Variants in TMEM82 observed in about 807,000 individuals in gnomAD.
TMEM82 encodes the protein transmembrane protein 82.
Under a neutral mutation model 29.2 loss-of-function variants are expected in TMEM82, and 30 were observed. The ratio of observed to expected loss-of-function variants is 1.03; its 90% CI spans 0.77 to 1.39. The LOEUF (loss-of-function observed/expected upper bound fraction) is 1.39, where lower values mean the gene tolerates loss of function less well. Ranked by LOEUF, TMEM82 falls within the 40% of genes most tolerant of loss-of-function variation. TMEM82 has a pLI of 0.00. For missense variants in TMEM82, 442 were observed against 447.7 expected, an observed-to-expected ratio of 0.99 and a Z score of 0.12; for synonymous variants, 221 against 225.4, an observed-to-expected ratio of 0.98 and a Z score of 0.18.
Position 15,744,206 on chromosome 1 carries a change from A to G in TMEM82, c.383A>G (p.Gln128Arg). The G allele has an allele frequency of 1.9e-6, 3 of 1,591,056 alleles. No individual in the cohort carries two copies. The highest frequency in any genetic ancestry group is 1.1e-5 in the South Asian group (1 of 88,496). Reference sequence around the variant, plus strand: ...AGGCTGCAGCTCTACCTGCTGTGCCAGTACTCGCTGGGCTGCGGGCTGACC... The same window carrying G: ...AGGCTGCAGCTCTACCTGCTGTGCCGGTACTCGCTGGGCTGCGGGCTGACC... ...AERLQLYLLCQYSLGCGLTCG... is the reference protein window; with the variant it reads ...AERLQLYLLCRYSLGCGLTCG... Residue 128 changes from glutamine (Q) to arginine (R), a missense_variant, in exon 4 of 6, where the codon CAG (glutamine) becomes CGG (arginine). Coordinates refer to ENST00000375782, the MANE Select transcript of TMEM82 (RefSeq NM_001013641.3). The surrounding 1 kb of genome is among the most constrained non-coding windows in gnomAD (Gnocchi z 5.2).
chr1:15,747,805 C>T lies in TMEM82; in HGVS notation c.*173C>T, dbSNP rs752447839. The T allele has an allele frequency of 3.2e-5, 18 of 563,200 alleles. No homozygotes were observed. Among genetic ancestry groups the T allele is most frequent in the Non-Finnish European group, 2.4e-5 (8 of 333,348 alleles). 34.9% of individuals were successfully genotyped at this position (563,200 alleles called of 1,614,324 possible). A position where few individuals can be genotyped will look rare whatever the true frequency, so the allele number is the denominator to read the frequency against. ...AGGCAGGATTTGGGGATGGGAGCCT[C>T]TGGAGAGGGGACACCTGGGGACCCC... On this transcript the variant is annotated 3_prime_UTR_variant, in exon 6 of 6. Coordinates refer to ENST00000375782, the MANE Select transcript of TMEM82 (RefSeq NM_001013641.3).
At chr1:15,747,305 GAC>G (rs2068344070) in intron 5 of TMEM82, among the ~76,000 whole-genome samples, 2 of 150,378 alleles carry the variant, frequency 1.3e-5, no homozygotes, top group Non-Finnish European at 3.0e-5. Flanking sequence ...AAAAAAAAAA[GAC>G]AGAGCCAGGG....
At chr1:15,743,928 G>C (rs1225482958) in intron 3 of TMEM82, among the ~76,000 whole-genome samples, 2 of 151,840 alleles carry the variant, frequency 1.3e-5, no homozygotes, top group Non-Finnish European at 2.9e-5. Context: ...TCGAGCCACT[G>C]TACTCCAGCC....
In TMEM82 at chr1:15,744,295, G is replaced by A. The variant is rs754076533; in HGVS notation, c.472G>A (p.Gly158Arg). Residue 158 changes from glycine (G) to arginine (R), a missense_variant, in exon 4 of 6, where the codon GGG (glycine) becomes AGG (arginine). Physicochemically the swap from Gly to Arg is moderately radical, Grantham distance 125 (BLOSUM62 -2). Transcript: ENST00000375782. This position sits in a 1 kb window ranked among gnomAD's most constrained non-coding sequence, Gnocchi z 5.2. Reference sequence around the variant, plus strand: ...CACGCTGAACCTGCTGCTGAGCCTCGGGCTGGCCACGCTGCTGGGCCTGGG... The same window carrying A: ...CACGCTGAACCTGCTGCTGAGCCTCAGGCTGGCCACGCTGCTGGGCCTGGG... Reference protein sequence around the residue: ...HRTLNLLLSLGLATLLGLGAR... With the variant: ...HRTLNLLLSLRLATLLGLGAR... The A allele has an allele frequency of 1.1e-5, 17 of 1,549,390 alleles. No individual in the cohort carries two copies. The highest frequency in any genetic ancestry group is 7.6e-5 in the Admixed American group (4 of 52,340).
At chr1:15,742,963 C>T (rs978007574) in intron 2 of TMEM82, 56 bp downstream of exon 2, 3 of 1,604,918 alleles carry the variant, frequency 1.9e-6, no homozygotes, top group Non-Finnish European at 2.6e-6. Flanking sequence ...GGGACCCCCA[C>T]CAGGGGTCGA....
chr1:15,743,954 G>C (rs11581558), intron 3 of TMEM82, among the ~76,000 whole-genome samples: 1 of 151,586 alleles, frequency 6.6e-6, no homozygotes, highest in Non-Finnish European at 1.5e-5. Flanking sequence ...GACAGAGCAA[G>C]ACTCTGTCTA....
intron 5 of TMEM82, 140 bp from the exon 6 acceptor site, chr1:15,747,406 A>G: frequency 2.8e-6 from 2 of 722,736 alleles, no homozygotes; most frequent in Non-Finnish European, 4.8e-6. Context: ...CCAGGTCACT[A>G]GCACCCCCCA....
chr1:15,747,403 A>T (rs2068344588), intron 5 of TMEM82, 143 bp from the exon 6 acceptor site: 1 of 711,222 alleles, frequency 1.4e-6, no homozygotes, highest in Admixed American at 2.5e-5. Flanking sequence ...CCTCCAGGTC[A>T]CTAGCACCCC....
chr1:15,746,209 C>A (rs1006320576), intron 4 of TMEM82, among the ~76,000 whole-genome samples: 3 of 151,812 alleles, frequency 2.0e-5, no homozygotes, highest in Non-Finnish European at 2.9e-5. Context: ...CGGGGCCAAG[C>A]ATGCTGGCTC....
rs751666686 is a variant in TMEM82 at position 15,744,428 on chromosome 1, A to G, written c.605A>G (p.Gln202Arg). ...GLLAHAHGLP[Q>R]LLGRALAIAF... ...CTGGCCCATGCACATGGCCTCCCCC[A>G]GCTGCTGGGCCGTGCCCTGGCCATA... Residue 202 changes from glutamine to arginine, a missense_variant, in exon 4 of 6, where the codon CAG becomes CGG. By Grantham distance (43) the Gln-to-Arg change is conservative (BLOSUM62 1). Transcript: ENST00000375782. This position sits in a 1 kb window ranked among gnomAD's most constrained non-coding sequence, Gnocchi z 5.2. The G allele has an allele frequency of 1.3e-6, 2 of 1,593,506 alleles. No individual in the cohort carries two copies. The highest frequency in any genetic ancestry group is 1.7e-6 in the Non-Finnish European group (2 of 1,170,678).
Position 15,744,343 on chromosome 1 carries a change from G to T in TMEM82, c.520G>T (p.Val174Phe), listed in dbSNP as rs574035362. Residue 174 changes from valine to phenylalanine, a missense_variant, in exon 4 of 6, where the codon GTC (valine) becomes TTC (phenylalanine). Coordinates refer to ENST00000375782, the MANE Select transcript of TMEM82 (RefSeq NM_001013641.3). This position sits in a 1 kb window ranked among gnomAD's most constrained non-coding sequence, Gnocchi z 5.2. ...GGGTGCCCGGCGCCTCCACCGCCAC[G>T]TCTGCCGCCTCTACGAGCTGCACAG... Reference protein sequence around the residue: ...GLGARRLHRHVCRLYELHSSQ... With the variant: ...GLGARRLHRHFCRLYELHSSQ... 13 of 1,545,452 alleles carry T rather than the reference G, an allele frequency of 8.4e-6. No homozygotes were observed. The highest frequency in any genetic ancestry group is 1.2e-5 in the South Asian group (1 of 84,606).
Position 15,747,622 on chromosome 1 carries a change from C to A in TMEM82, c.1022C>A (p.Ala341Asp). ...TCGGCACCCCAGTCCCAGAGTTCGG[C>A]CCCCTCTTGACCTGCCTCAGGGAGG... ...LPSAPQSQSS[A>D]PS The change falls in exon 6 of 6, where the codon GCC becomes GAC. Residue 341 changes from alanine (A) to aspartate (D), a missense_variant. Coordinates refer to ENST00000375782, the MANE Select transcript of TMEM82 (RefSeq NM_001013641.3). 1.2e-6 allele frequency: 2 copies of A among 1,614,010 alleles called. No individual in the cohort carries two copies. The highest frequency in any genetic ancestry group is 1.7e-6 in the Non-Finnish European group (2 of 1,179,902).
chr1:15,745,962 C>T (rs907090969), intron 4 of TMEM82, among the ~76,000 whole-genome samples: 2 of 150,818 alleles, frequency 1.3e-5, no homozygotes, highest in Non-Finnish European at 2.9e-5. Context: ...TGGGCTCAAG[C>T]AATCCACCTG....
At chr1:15,745,892 C>T (rs949598067) in intron 4 of TMEM82, among the ~76,000 whole-genome samples, 1 of 86,358 alleles carries the variant, frequency 1.2e-5, no homozygotes, top group Non-Finnish European at 2.5e-5. Context: ...CCATCTCAAA[C>T]AAAAAAAAAA....
At chr1:15,746,169 T>C (rs1055669961) in intron 4 of TMEM82, among the ~76,000 whole-genome samples, 3 of 151,518 alleles carry the variant, frequency 2.0e-5, no homozygotes, top group Admixed American at 2.0e-4. Flanking sequence ...GTAGCTGGAC[T>C]CTGTCTCAAA....
rs747312105 is a variant in TMEM82, at chr1:15,743,163, G to T, written c.305G>T (p.Arg102Leu). ...AALVVLEFSL[R>L]AVSTLLSLGK... ...CTCGTGGTGCTCGAGTTCTCCCTCC[G>T]GGCCGTGTCCACGCTGCTGTCCCTG... is the stretch of plus-strand genomic sequence containing the variant. The change falls in exon 3 of 6, where the codon CGG becomes CTG. Residue 102 changes from arginine to leucine, a missense_variant. By Grantham distance (102) the Arg-to-Leu change is moderately radical. Coordinates refer to ENST00000375782, the MANE Select transcript of TMEM82 (RefSeq NM_001013641.3). The T allele has an allele frequency of 1.3e-5, 21 of 1,609,936 alleles. No individual in the cohort carries two copies. Among genetic ancestry groups the T allele is most frequent in the Non-Finnish European group, 1.7e-5 (20 of 1,179,858 alleles).
In TMEM82 at chr1:15,744,070, A is replaced by G. The variant is rs1256532765; in HGVS notation, c.337-90A>G. The G allele has an allele frequency of 2.2e-6, 3 of 1,353,474 alleles. No homozygotes were observed. Among genetic ancestry groups the G allele is most frequent in the South Asian group, 1.5e-5 (1 of 65,410 alleles). The allele number at this position is 1,353,474 out of a possible 1,614,324, so 83.8% of individuals were successfully genotyped here. A position where few individuals can be genotyped will look rare whatever the true frequency, so the allele number is the denominator to read the frequency against. On this transcript the variant is annotated intron_variant, in intron 3 of 5. Transcript: ENST00000375782. This position sits in a 1 kb window ranked among gnomAD's most constrained non-coding sequence, Gnocchi z 5.2. ...GTGGCCCCTTCGGGAACCATCCCCA[A>G]GGTCCCTTCAGGCTCCGGCTTCCTG...
chr1:15,745,892 CAAA>C (rs914390608), intron 4 of TMEM82, among the ~76,000 whole-genome samples: 4 of 86,334 alleles, frequency 4.6e-5, no homozygotes, highest in African/African-American at 7.3e-5. Flanking sequence ...CCATCTCAAA[CAAA>C]AAAAAAAAAA....
At chr1:15,745,525 A>G (rs989017157) in intron 4 of TMEM82, among the ~76,000 whole-genome samples, 5 of 114,504 alleles carry the variant, frequency 4.4e-5, no homozygotes, top group African/African-American at 2.3e-4. Flanking sequence ...GAAAGAAAGA[A>G]AGAGAGAAAG....
Sources: gnomAD v4.1 joint callset for allele counts (sites outside exome capture counted in the v4.1 genomes callset) on GRCh38, gnomAD v4.1.1 for gene constraint, Gnocchi (gnomAD v3.1) non-coding constraint, MANE v1.5 for transcripts, NCBI Gene and HGNC (gene_info 2026-07-23, HGNC 2026-07-21) for gene names.